The following MORC1 variants were observed in gnomAD, a reference collection of about 807,000 sequenced individuals.
MORC1 encodes the protein MORC family CW-type zinc finger 1.
A neutral mutation model predicts 134.9 loss-of-function variants in MORC1; 59 were observed. The ratio of observed to expected loss-of-function variants is 0.44; its 90% CI spans 0.35 to 0.54. MORC1 has a LOEUF of 0.54. Ranked by LOEUF, MORC1 falls within the 20% of genes least tolerant of loss-of-function variation. MORC1 has a pLI of 0.00. For missense variants in MORC1, 947 were observed against 1,134.5 expected, an observed-to-expected ratio of 0.83 and a Z score of 2.37; for synonymous variants, 395 against 391.7, an observed-to-expected ratio of 1.01 and a Z score of -0.10.
At chr3:108,960,653 CCTGGGAAAGCTTCAT>C (rs1947055919) in intron 27 of MORC1, among the ~76,000 whole-genome samples, 1 of 151,972 alleles carries the variant, frequency 6.6e-6, no homozygotes. Context: ...CAGAAAAATG[CCTGGGAAAGCTTCAT>C]CAGACAGTCC....
At chr3:109,020,635 G>A (rs34715413) in intron 17 of MORC1, among the ~76,000 whole-genome samples, 17,996 of 151,742 alleles carry the variant, frequency 0.12, 1,141 homozygotes, top group Non-Finnish European at 0.14. Context: ...GTGTGGTGGC[G>A]GGTGCCTGTG....
At position 109,086,903 on chromosome 3, in the gene MORC1, G is replaced by A. The variant is rs567424721; in HGVS notation, c.689+6533C>T. 3.0e-4 allele frequency among the ~76,000 whole-genome samples: 46 copies of A among 152,080 alleles called. No individual in the cohort carries two copies. The South Asian group carries it at 4.6e-3, about 15-fold the overall frequency. ...AAATTATTTCAAAATTTTAAAAATGGTAAGTTATATCTAATATAAAGTGAC... is the reference window on the plus strand; with the variant it reads ...AAATTATTTCAAAATTTTAAAAATGATAAGTTATATCTAATATAAAGTGAC... On this transcript the variant is annotated intron_variant, in intron 8 of 27. Coordinates refer to ENST00000232603, the MANE Select transcript of MORC1 (RefSeq NM_014429.4).
At chr3:109,101,633 T>G (rs2107781054) in intron 4 of MORC1, 1 of 152,312 alleles carries the variant, frequency 6.6e-6, no homozygotes, top group South Asian at 2.1e-4. Context: ...CTATGAGGGG[T>G]TAGGCATTAG....
chr3:109,096,016 A>G (rs1015098901), intron 6 of MORC1, among the ~76,000 whole-genome samples: 2 of 152,210 alleles, frequency 1.3e-5, no homozygotes, highest in African/African-American at 4.8e-5. Context: ...TAAACAAAGT[A>G]ACTCAGTGAA....
chr3:109,022,015 TATCA>T (rs1948968555), intron 17 of MORC1, among the ~76,000 whole-genome samples: 3 of 152,212 alleles, frequency 2.0e-5, no homozygotes, highest in Non-Finnish European at 4.4e-5. Context: ...AGTGTGAATA[TATCA>T]TGCATTATCC....
intron 17 of MORC1, among the ~76,000 whole-genome samples, chr3:109,020,949 C>G (rs1022961074): frequency 3.3e-5 from 5 of 152,108 alleles, no homozygotes; most frequent in Non-Finnish European, 7.3e-5. Context: ...ATTCCCCAAA[C>G]TGAATTCAAA....
At chr3:109,106,895 C>T (rs1951052983) in intron 3 of MORC1, among the ~76,000 whole-genome samples, 1 of 152,132 alleles carries the variant, frequency 6.6e-6, no homozygotes, top group Non-Finnish European at 1.5e-5. Context: ...TCCATGGCTT[C>T]CCAATGCTCT....
chr3:109,044,944 CAAAA>C (rs375280662), intron 14 of MORC1, among the ~76,000 whole-genome samples: 1 of 64,188 alleles, frequency 1.6e-5, no homozygotes. Context: ...GACTCTGTCT[CAAAA>C]AAAAAAAAAA....
At chr3:109,023,882 G>C (rs1949015952) in intron 17 of MORC1, among the ~76,000 whole-genome samples, 1 of 152,178 alleles carries the variant, frequency 6.6e-6, no homozygotes, top group Non-Finnish European at 1.5e-5. Flanking sequence ...TTGTCACTCG[G>C]TATAGAAAAC....
chr3:109,088,577 G>C (rs1416842042), intron 8 of MORC1, among the ~76,000 whole-genome samples: 2 of 152,098 alleles, frequency 1.3e-5, no homozygotes, highest in Admixed American at 6.6e-5. Flanking sequence ...TGTTGGAGAG[G>C]CTGCAGAGAA....
intron 1 of MORC1, 25 bp from the exon 2 acceptor site, chr3:109,114,462 A>G: frequency 1.9e-6 from 3 of 1,601,026 alleles, no homozygotes; most frequent in Non-Finnish European, 1.7e-6. Flanking sequence ...AAGAGAAAAC[A>G]AAAAGTTAAA....
intron 14 of MORC1, among the ~76,000 whole-genome samples, chr3:109,046,013 T>G (rs1009055361): frequency 6.6e-6 from 1 of 152,184 alleles, no homozygotes; most frequent in Non-Finnish European, 1.5e-5. Flanking sequence ...TAAGAAAATA[T>G]ATGATGACAA....
chr3:108,970,108 G>T (rs1054004559), intron 25 of MORC1, among the ~76,000 whole-genome samples: 23 of 151,954 alleles, frequency 1.5e-4, no homozygotes, highest in African/African-American at 5.3e-4. Context: ...TGGCATGTGG[G>T]GGGTAGTATT....
intron 21 of MORC1, among the ~76,000 whole-genome samples, chr3:108,995,058 C>A (rs748487394): frequency 6.6e-6 from 1 of 152,138 alleles, no homozygotes; most frequent in Non-Finnish European, 1.5e-5. Context: ...GAGTGCATCA[C>A]TTTTGAGGGG....
chr3:108,980,654 G>A (rs989665047), intron 23 of MORC1, among the ~76,000 whole-genome samples: 4 of 152,212 alleles, frequency 2.6e-5, no homozygotes, highest in African/African-American at 4.8e-5. Flanking sequence ...CAGTGGGCAA[G>A]TGAACCTGCG....
At chr3:108,985,498 C>T (rs1234033505) in intron 22 of MORC1, among the ~76,000 whole-genome samples, 1 of 152,124 alleles carries the variant, frequency 6.6e-6, no homozygotes, top group Non-Finnish European at 1.5e-5. Flanking sequence ...TAGAAGAGGA[C>T]ATCAACAAGC....
At chr3:109,044,944 CAAA>C (rs375280662) in intron 14 of MORC1, among the ~76,000 whole-genome samples, 6 of 64,182 alleles carry the variant, frequency 9.3e-5, no homozygotes, top group Admixed American at 3.5e-4. Context: ...GACTCTGTCT[CAAA>C]AAAAAAAAAA....
At chr3:109,107,170 T>C (rs2107793666) in intron 3 of MORC1, among the ~76,000 whole-genome samples, 1 of 152,324 alleles carries the variant, frequency 6.6e-6, no homozygotes, top group East Asian at 1.9e-4. Flanking sequence ...CTCTTTCAAT[T>C]AGTTCATATC....
chr3:108,976,893 A>G (rs1947579078), intron 24 of MORC1, among the ~76,000 whole-genome samples: 1 of 152,214 alleles, frequency 6.6e-6, no homozygotes, highest in African/African-American at 2.4e-5. Context: ...ACTCAATCAG[A>G]TTATCCCCTT....
Sources: allele counts gnomAD v4.1 joint callset (sites outside exome capture counted in the v4.1 genomes callset), GRCh38; gene constraint gnomAD v4.1.1; transcripts MANE v1.5; gene names NCBI Gene and HGNC (gene_info 2026-07-23, HGNC 2026-07-21).